Variants in PCDH7 observed in about 807,000 individuals in gnomAD.
The protein encoded by PCDH7 is protocadherin 7, also known as protocadherin-7.
In PCDH7, 17 loss-of-function variants were observed where a neutral mutation model predicts 58.9. The observed-to-expected ratio is 0.29, with a 90% CI of 0.20 to 0.43. The LOEUF (loss-of-function observed/expected upper bound fraction) is 0.43, where lower values mean the gene tolerates loss of function less well. PCDH7 is among the 20% of genes least tolerant of loss of function. PCDH7 has a pLI of 1.00. For missense variants in PCDH7, 1,274 were observed against 1,441.0 expected (o/e 0.88, Z 1.88); for synonymous variants, 664 against 616.4 (o/e 1.08, Z -1.14).
At chr4:31,016,673 A>G (rs1233821643) in intron 3 of PCDH7, among the ~76,000 whole-genome samples, 1 of 152,176 alleles carries the variant, frequency 6.6e-6, no homozygotes, top group African/African-American at 2.4e-5. Flanking sequence ...ATAAAATTAA[A>G]TGGACAAAAT....
chr4:30,978,640 T>G (rs1750283241), intron 3 of PCDH7, among the ~76,000 whole-genome samples: 1 of 152,210 alleles, frequency 6.6e-6, no homozygotes, highest in South Asian at 2.1e-4. Context: ...AATGATAGTA[T>G]TTTAAAAGTT....
chr4:31,047,641 C>T (rs1756394748), intron 3 of PCDH7, among the ~76,000 whole-genome samples: 1 of 152,068 alleles, frequency 6.6e-6, no homozygotes, highest in South Asian at 2.1e-4. Context: ...GGTTGACTGA[C>T]TGATTTCAGA....
At chr4:30,865,454 A>G (rs1734760729) in intron 1 of PCDH7, among the ~76,000 whole-genome samples, 1 of 152,052 alleles carries the variant, frequency 6.6e-6, no homozygotes, top group Admixed American at 6.6e-5. Context: ...AGGAGAAGCT[A>G]GACTATAGTC....
At chr4:31,050,358 G>T (rs1267095076) in intron 3 of PCDH7, among the ~76,000 whole-genome samples, 1 of 152,102 alleles carries the variant, frequency 6.6e-6, no homozygotes, top group African/African-American at 2.4e-5. Context: ...ACAATATGTA[G>T]GTGGGGGCAA....
intron 1 of PCDH7, among the ~76,000 whole-genome samples, chr4:30,838,680 G>A (rs1349657507): frequency 6.6e-6 from 1 of 151,732 alleles, no homozygotes; most frequent in Non-Finnish European, 1.5e-5. Flanking sequence ...TTTTTCTTTA[G>A]TGAAGATTCA....
chr4:30,725,819 A>G (rs946686428), intron 1 of PCDH7, among the ~76,000 whole-genome samples: 1 of 152,148 alleles, frequency 6.6e-6, no homozygotes, highest in Non-Finnish European at 1.5e-5. Context: ...GATTATAGTT[A>G]TAGAAAGAGA....
At chr4:31,110,626 G>C (rs967532009) in intron 3 of PCDH7, among the ~76,000 whole-genome samples, 2 of 152,062 alleles carry the variant, frequency 1.3e-5, no homozygotes, top group African/African-American at 4.8e-5. Context: ...TTAAAACATT[G>C]AATACCAGGC....
Position 30,721,990 on chromosome 4 carries a change from G to A in PCDH7, c.568G>A (p.Gly190Ser), listed in dbSNP as rs1713656722. 2 of 1,301,642 alleles carry A rather than the reference G, an allele frequency of 1.5e-6. No individual in the cohort carries two copies. Among genetic ancestry groups the A allele is most frequent in the African/African-American group, 1.5e-5 (1 of 64,962 alleles). 80.6% of individuals were successfully genotyped at this position (1,301,642 alleles called of 1,614,324 possible). A position where few individuals can be genotyped will look rare whatever the true frequency, so the allele number is the denominator to read the frequency against. The change falls in exon 1 of 2, where the codon GGC becomes AGC. Residue 190 changes from glycine to serine, a missense_variant. Gly to Ser is a moderately conservative substitution (Grantham distance 56, BLOSUM62 0). This residue lies in a region of PCDH7 where 331 missense variants were observed against 303.2 expected (regional missense o/e 1.09). Coordinates refer to ENST00000361762, the Ensembl canonical transcript of PCDH7. The surrounding 1 kb of genome is among the most constrained non-coding windows in gnomAD (Gnocchi z 6.7). Reference sequence around the variant, plus strand: ...GCTGCTCCAGGAGCCCGGAGGCGGCGGCAGCGGCGGCGAGAGCCGGCGCGC... The same window carrying A: ...GCTGCTCCAGGAGCCCGGAGGCGGCAGCAGCGGCGGCGAGAGCCGGCGCGC...
chr4:31,141,344 TG>T (rs1720229965), intron 3 of PCDH7, among the ~76,000 whole-genome samples: 1 of 152,218 alleles, frequency 6.6e-6, no homozygotes, highest in Admixed American at 6.5e-5. Context: ...TGATACCATG[TG>T]ATAACAACTG....
chr4:31,016,994 ATTC>A (rs140268295), intron 3 of PCDH7, among the ~76,000 whole-genome samples: 6,221 of 151,598 alleles, frequency 0.041, 122 homozygotes, highest in Middle Eastern at 0.068. Flanking sequence ...AGAGTTGGGT[ATTC>A]TTCTTGTTTA....
intron 1 of PCDH7, among the ~76,000 whole-genome samples, chr4:30,792,309 G>C (rs1246363472): frequency 2.0e-5 from 3 of 152,062 alleles, no homozygotes; most frequent in Non-Finnish European, 4.4e-5. Flanking sequence ...ATGGCCCTCT[G>C]GTCTTGGAGT....
chr4:31,011,847 C>T (rs985493506), intron 3 of PCDH7, among the ~76,000 whole-genome samples: 3 of 151,890 alleles, frequency 2.0e-5, no homozygotes, highest in Admixed American at 6.6e-5. Context: ...TTTAATACAG[C>T]ATTCCTATAC....
intron 3 of PCDH7, among the ~76,000 whole-genome samples, chr4:31,098,623 A>C (rs1350848757): frequency 6.6e-6 from 1 of 152,170 alleles, no homozygotes; most frequent in African/African-American, 2.4e-5. Context: ...AAAGTTTTGT[A>C]ACTGTCAGAT....
intron 3 of PCDH7, among the ~76,000 whole-genome samples, chr4:30,998,805 G>A (rs938408147): frequency 3.3e-5 from 5 of 152,052 alleles, no homozygotes; most frequent in East Asian, 1.9e-4. Context: ...GGAGAGGGAC[G>A]TCATTACATG....
intron 1 of PCDH7, among the ~76,000 whole-genome samples, chr4:30,805,066 C>A (rs555645561): frequency 6.6e-5 from 10 of 152,312 alleles, no homozygotes; most frequent in Non-Finnish European, 1.3e-4. Context: ...GTTGTTCACT[C>A]CCTTCCCTGG....
chr4:31,140,469 C>T (rs947206407), intron 3 of PCDH7, among the ~76,000 whole-genome samples: 1 of 148,198 alleles, frequency 6.7e-6, no homozygotes, highest in Non-Finnish European at 1.5e-5. Flanking sequence ...TATTCACTAT[C>T]ATAAGAAAAG....
chr4:30,807,757 A>G (rs1466091729), intron 1 of PCDH7, among the ~76,000 whole-genome samples: 1 of 152,116 alleles, frequency 6.6e-6, no homozygotes, highest in Non-Finnish European at 1.5e-5. Flanking sequence ...TATTTGTGAA[A>G]AAAAAAAAGG....
chr4:30,883,919 C>G (rs1737333571), intron 1 of PCDH7, among the ~76,000 whole-genome samples: 2 of 152,140 alleles, frequency 1.3e-5, no homozygotes, highest in African/African-American at 4.8e-5. Context: ...ATTGAGGTAA[C>G]TGTGGCAGCA....
In PCDH7 at chr4:30,759,066, C is replaced by T. The variant is rs898907990; in HGVS notation, c.70+34470C>T. 4.6e-5 allele frequency among the ~76,000 whole-genome samples: 7 copies of T among 151,538 alleles called. No homozygotes were observed. In the South Asian group the frequency reaches 6.3e-4, roughly 14 times the overall value. On this transcript the variant is annotated intron_variant, in intron 1 of 3. Coordinates refer to the PCDH7 transcript ENST00000509759. ...AAGTGATTCTTCTGCCTCAGCCTCC[C>T]GAGTAGTTGGGATTACAGGTGCCCG...
Sources: allele counts gnomAD v4.1 joint callset (sites outside exome capture counted in the v4.1 genomes callset), GRCh38; gene constraint gnomAD v4.1.1; regional missense constraint gnomAD v4.1.1; non-coding constraint Gnocchi (gnomAD v3.1); transcripts MANE v1.5; gene names NCBI Gene and HGNC (gene_info 2026-07-23, HGNC 2026-07-21).